TRAT1: variants seen among roughly 807,000 people sequenced by gnomAD.
TRAT1 encodes the protein T-cell receptor-associated transmembrane adapter 1.
Under a neutral mutation model 20.0 loss-of-function variants are expected in TRAT1, and 20 were observed. The observed-to-expected ratio is 1.00, with a 90% CI of 0.70 to 1.45. TRAT1 has a LOEUF of 1.45. Ranked by LOEUF, TRAT1 falls within the 40% of genes most tolerant of loss-of-function variation. TRAT1 has a pLI of 0.00. For synonymous variants in TRAT1, 77 were observed against 74.2 expected (o/e 1.04, Z -0.20); for missense variants, 237 against 224.1 (o/e 1.06, Z -0.37).
At chr3:108,825,700 A>G (rs1945731908) in intron 1 of TRAT1, among the ~76,000 whole-genome samples, 1 of 152,184 alleles carries the variant, frequency 6.6e-6, no homozygotes, top group Non-Finnish European at 1.5e-5. Context: ...CTAGTGAATA[A>G]GAGAAATCAT....
At chr3:108,832,988 A>G (rs926020279) in intron 2 of TRAT1, among the ~76,000 whole-genome samples, 5 of 152,180 alleles carry the variant, frequency 3.3e-5, no homozygotes, top group African/African-American at 1.2e-4. Flanking sequence ...AGGTTTTACA[A>G]TTCTCATTTT....
chr3:108,823,194 C>T (rs1945708558), intron 1 of TRAT1, among the ~76,000 whole-genome samples: 1 of 152,032 alleles, frequency 6.6e-6, no homozygotes, highest in African/African-American at 2.4e-5. Flanking sequence ...GATAATTATG[C>T]CATGTGAAGT....
rs965979012 is a variant in TRAT1, at chr3:108,848,234, T to G, written c.215-932T>G. 6.6e-5 allele frequency among the ~76,000 whole-genome samples: 10 copies of G among 152,314 alleles called. 1 individual carries two copies. Among genetic ancestry groups the G allele is most frequent in the Admixed American group, 5.9e-4 (9 of 15,300 alleles). On this transcript the variant is annotated intron_variant, in intron 4 of 5. Transcript: ENST00000295756. Reference sequence around the variant, plus strand: ...GCAGGTCCAGGCTAAGGCTTAGAGATCTGCTACTTAACATCCCAGGTGATT... The same window carrying G: ...GCAGGTCCAGGCTAAGGCTTAGAGAGCTGCTACTTAACATCCCAGGTGATT...
rs779234270 is a variant in TRAT1, at chr3:108,831,538, C to CTT, written c.118+776_118+777dup. Among the ~76,000 whole-genome samples, 570 of 132,126 alleles carry CTT rather than the reference C, an allele frequency of 4.3e-3. 5 individuals carry two copies. The highest frequency in any genetic ancestry group is 0.014 in the African/African-American group (515 of 35,834). 86.7% of individuals were successfully genotyped at this position (132,126 alleles called of 152,430 possible). A position where few individuals can be genotyped will look rare whatever the true frequency, so the allele number is the denominator to read the frequency against. Reference sequence around the variant, plus strand: ...AAGTTCAAATATTGCTGGAAGGTATCTTTTTTTTTTTTTTTTTTTGAGACA... The same window carrying CTT: ...AAGTTCAAATATTGCTGGAAGGTATCTTTTTTTTTTTTTTTTTTTTTGAGACA... On this transcript the variant is annotated intron_variant, in intron 2 of 5. Transcript: ENST00000295756.
chr3:108,851,744 G>A (rs1229478072), intron 5 of TRAT1, among the ~76,000 whole-genome samples: 3 of 151,864 alleles, frequency 2.0e-5, no homozygotes, highest in African/African-American at 7.3e-5. Context: ...CATTTACCCT[G>A]GCTATGTGTT....
At chr3:108,824,056 G>C (rs1467108737) in intron 1 of TRAT1, among the ~76,000 whole-genome samples, 1 of 152,100 alleles carries the variant, frequency 6.6e-6, no homozygotes, top group Non-Finnish European at 1.5e-5. Flanking sequence ...ATTTCTAATA[G>C]AGACAGGGTT....
Position 108,844,776 on chromosome 3 carries a change from G to A in TRAT1, c.153-2292G>A, listed in dbSNP as rs534525112. Reference sequence around the variant, plus strand: ...GCAGAATGACGTGAATCCGGGAGGCGGAGCTTGCAGTGAGCCGAGATTGCG... The same window carrying A: ...GCAGAATGACGTGAATCCGGGAGGCAGAGCTTGCAGTGAGCCGAGATTGCG... On this transcript the variant is annotated intron_variant, in intron 3 of 5. Coordinates refer to ENST00000295756, the MANE Select transcript of TRAT1 (RefSeq NM_016388.4). Among the ~76,000 whole-genome samples the A allele has an allele frequency of 1.1e-4, 16 of 146,572 alleles. No individual in the cohort carries two copies. The East Asian group carries it at 2.0e-3, about 18-fold the overall frequency.
chr3:108,842,371 T>C (rs895949473), intron 3 of TRAT1, among the ~76,000 whole-genome samples: 1 of 152,216 alleles, frequency 6.6e-6, no homozygotes, highest in African/African-American at 2.4e-5. Flanking sequence ...ATAACTAGTC[T>C]CATCTGTCCT....
chr3:108,825,503 CCTTT>C (rs1945730007), intron 1 of TRAT1, among the ~76,000 whole-genome samples: 1 of 152,046 alleles, frequency 6.6e-6, no homozygotes, highest in African/African-American at 2.4e-5. Context: ...ACAATGAAAT[CCTTT>C]CTTTTAGAGA....
intron 1 of TRAT1, among the ~76,000 whole-genome samples, chr3:108,826,227 T>TCATTGATTTGCACACAAC (rs1945737765): frequency 6.6e-6 from 1 of 151,808 alleles, no homozygotes; most frequent in Admixed American, 6.6e-5. Flanking sequence ...TTAGTGAGAT[T>TCATTGATTTGCACACAAC]CAGCCACACA....
chr3:108,834,503 T>C (rs1027884041), intron 2 of TRAT1, among the ~76,000 whole-genome samples: 23 of 152,342 alleles, frequency 1.5e-4, no homozygotes, highest in Admixed American at 1.2e-3. Flanking sequence ...TGCAAACAGT[T>C]CAGTTCCTTC....
intron 2 of TRAT1, among the ~76,000 whole-genome samples, chr3:108,838,369 G>T (rs1666687159): frequency 6.7e-6 from 1 of 149,720 alleles, no homozygotes; most frequent in South Asian, 2.1e-4. Context: ...TAGATAGATA[G>T]ATAGATAGAT....
Position 108,838,946 on chromosome 3 carries a change from G to C in TRAT1, c.131G>C (p.Ser44Thr). The C allele has an allele frequency of 6.2e-7, 1 of 1,607,374 alleles. No homozygotes were observed. The highest frequency in any genetic ancestry group is 8.5e-7 in the Non-Finnish European group (1 of 1,173,910). The change falls in exon 3 of 6, where the codon AGC becomes ACC. Residue 44 changes from serine (S) to threonine (T), a missense_variant. Ser to Thr is a moderately conservative substitution (Grantham distance 58, BLOSUM62 1). Coordinates refer to ENST00000295756, the MANE Select transcript of TRAT1 (RefSeq NM_016388.4). ...VEKQRQDKMY[S>T]YSSDHTRVDE... ...GAATATCTTTCAGATAAAATGTACAGCTACTCCAGTGACCACACCAGGTAT... is the reference window on the plus strand; with the variant it reads ...GAATATCTTTCAGATAAAATGTACACCTACTCCAGTGACCACACCAGGTAT...
chr3:108,846,157 C>T (rs905210822), intron 3 of TRAT1, among the ~76,000 whole-genome samples: 2 of 152,148 alleles, frequency 1.3e-5, no homozygotes, highest in East Asian at 3.8e-4. Flanking sequence ...ACTTGCTGTA[C>T]AATCCTAGCA....
At chr3:108,845,027 A>C (rs1402401715) in intron 3 of TRAT1, among the ~76,000 whole-genome samples, 1 of 152,120 alleles carries the variant, frequency 6.6e-6, no homozygotes. Context: ...GGTCTGGCTG[A>C]AAACTCAGAG....
At chr3:108,825,333 G>A (rs1945727750) in intron 1 of TRAT1, among the ~76,000 whole-genome samples, 1 of 151,890 alleles carries the variant, frequency 6.6e-6, no homozygotes, top group African/African-American at 2.4e-5. Flanking sequence ...CATAAAATCT[G>A]TATTAATGGA....
At chr3:108,840,905 T>C (rs1945891060) in intron 3 of TRAT1, among the ~76,000 whole-genome samples, 1 of 152,268 alleles carries the variant, frequency 6.6e-6, no homozygotes, top group African/African-American at 2.4e-5. Context: ...CTCATCTTCC[T>C]GTTCCCCACC....
intron 3 of TRAT1, among the ~76,000 whole-genome samples, chr3:108,845,128 C>T (rs1945930397): frequency 6.6e-6 from 1 of 152,062 alleles, no homozygotes; most frequent in Admixed American, 6.6e-5. Flanking sequence ...ACATTTGCTC[C>T]TGAGGTTTAT....
In TRAT1 at chr3:108,847,066, A is replaced by T; in HGVS notation, c.153-2A>T. ...AAGGTAAATTATTTTTCCTTGTTAT[A>T]GGGTTGATGAGTATTATATTGAAGA... On this transcript the variant is annotated splice_acceptor_variant, in intron 3 of 5. Transcript: ENST00000295756. LOFTEE classifies it high-confidence loss of function. 6.7e-7 allele frequency: 1 copy of T among 1,497,370 alleles called. No homozygotes were observed. The highest frequency in any genetic ancestry group is 9.2e-7 in the Non-Finnish European group (1 of 1,085,200). The allele number at this position is 1,497,370 out of a possible 1,614,324, so 92.8% of individuals were successfully genotyped here. A position where few individuals can be genotyped will look rare whatever the true frequency, so the allele number is the denominator to read the frequency against.
Sources: allele counts gnomAD v4.1 joint callset (sites outside exome capture counted in the v4.1 genomes callset), GRCh38; gene constraint gnomAD v4.1.1; transcripts MANE v1.5; gene names NCBI Gene and HGNC (gene_info 2026-07-23, HGNC 2026-07-21).